Variants in URB2 observed in about 807,000 individuals in gnomAD.
URB2 encodes the protein unhealthy ribosome biogenesis protein 2 homolog.
Under a neutral mutation model 120.9 loss-of-function variants are expected in URB2, and 86 were observed. The ratio of observed to expected loss-of-function variants is 0.71; its 90% CI spans 0.60 to 0.85. The LOEUF is 0.85. Among genes scored for constraint, URB2 ranks in the 40% least tolerant of loss-of-function variants. The probability of loss-of-function intolerance (pLI) is 0.00; values close to 1 mark genes in which losing one functional copy is unlikely to be tolerated. For missense variants in URB2, 1,765 were observed against 1,836.5 expected, an observed-to-expected ratio of 0.96 and a Z score of 0.71; for synonymous variants, 755 against 758.4, an observed-to-expected ratio of 1.00 and a Z score of 0.07.
chr1:229,632,821 T>G (rs911126710), intron 3 of URB2, among the ~76,000 whole-genome samples: 8 of 151,650 alleles, frequency 5.3e-5, no homozygotes, highest in African/African-American at 1.7e-4. Flanking sequence ...GTTTTTTTTT[T>G]TTTTTTTTTT....
At position 229,636,729 on chromosome 1, in the gene URB2, T is replaced by G. The variant is rs201484207; in HGVS notation, c.2116T>G (p.Phe706Val). ...AIQSLRCDAA[F>V]IIGSGRKSLN... ...CCAAAGTTTGAGGTGCGATGCTGCC[T>G]TTATTATTGGTTCCGGCAGAAAAAG... Residue 706 changes from phenylalanine (F) to valine (V), a missense_variant, in exon 4 of 10, where the codon TTT becomes GTT. By Grantham distance (50) the Phe-to-Val change is conservative. Coordinates refer to ENST00000258243, the MANE Select transcript of URB2 (RefSeq NM_014777.4). 4.2e-5 allele frequency: 67 copies of G among 1,612,806 alleles called. No individual in the cohort carries two copies. In the African/African-American group the frequency reaches 7.5e-4, roughly 18 times the overall value.
In URB2 at chr1:229,643,072, T is replaced by G. The variant is rs115185927; in HGVS notation, c.3635-461T>G. Among the ~76,000 whole-genome samples the G allele has an allele frequency of 6.1e-3, 927 of 152,356 alleles. 12 individuals carry two copies. Among genetic ancestry groups the G allele is most frequent in the African/African-American group, 0.022 (894 of 41,578 alleles). Reference sequence around the variant, plus strand: ...AAGGGAAAATGTATTTGCCATTCATTAAGTGAAGTAGGTTATCATCAAGGT... The same window carrying G: ...AAGGGAAAATGTATTTGCCATTCATGAAGTGAAGTAGGTTATCATCAAGGT... On this transcript the variant is annotated intron_variant, in intron 4 of 9. Coordinates refer to ENST00000258243, the MANE Select transcript of URB2 (RefSeq NM_014777.4).
At position 229,636,307 on chromosome 1, in the gene URB2, TCAGA is replaced by T; in HGVS notation, c.1696_1699del (p.Arg566GlyfsTer5). On this transcript the variant is annotated frameshift_variant, in exon 4 of 10. Coordinates refer to ENST00000258243, the MANE Select transcript of URB2 (RefSeq NM_014777.4). LOFTEE classifies it high-confidence loss of function. ...GACAGCAGCACGCCTCTGCCCATTG[TCAGA>T]CGGACACAGTGCATGATGGAGAGGA... 1 of 1,614,236 alleles carries T rather than the reference TCAGA, an allele frequency of 6.2e-7. No individual in the cohort carries two copies. Among genetic ancestry groups the T allele is most frequent in the Non-Finnish European group, 8.5e-7 (1 of 1,180,018 alleles).
rs769541530 is a variant in URB2, at chr1:229,637,961, C to T, written c.3348C>T (p.Leu1116=). The T allele has an allele frequency of 1.2e-5, 20 of 1,613,630 alleles. No individual in the cohort carries two copies. In the South Asian group the frequency reaches 1.8e-4, roughly 14 times the overall value. Reference sequence around the variant, plus strand: ...GGGGCTGGCGCCTTCCCTCGGTCCTCATCTCATCCGTCAGCACGCTCTTGG... The same window carrying T: ...GGGGCTGGCGCCTTCCCTCGGTCCTTATCTCATCCGTCAGCACGCTCTTGG... The part of the protein sequence containing the change: ...GARGWRLPSV[L]ISSVSTLLEA... The change falls in exon 4 of 10, where the codon CTC becomes CTT. Residue 1116 remains leucine (L), a synonymous_variant. Coordinates refer to ENST00000258243, the MANE Select transcript of URB2 (RefSeq NM_014777.4).
Position 229,654,836 on chromosome 1 carries a change from A to G in URB2, c.4377+448A>G, listed in dbSNP as rs544098829. Among the ~76,000 whole-genome samples, 7 of 152,324 alleles carry G rather than the reference A, an allele frequency of 4.6e-5. No homozygotes were observed. In the South Asian group the frequency reaches 1.5e-3, roughly 32 times the overall value. On this transcript the variant is annotated intron_variant, in intron 9 of 9. Coordinates refer to ENST00000258243, the MANE Select transcript of URB2 (RefSeq NM_014777.4). Reference sequence around the variant, plus strand: ...AAGGACCAAATGAAATGACATACAGAGGGCTCAGTGGTGCCTTGTACACAG... The same window carrying G: ...AAGGACCAAATGAAATGACATACAGGGGGCTCAGTGGTGCCTTGTACACAG...
At chr1:229,643,830 C>A in intron 5 of URB2, 137 bp downstream of exon 5, 1 of 1,208,292 alleles carries the variant, frequency 8.3e-7, no homozygotes, top group Non-Finnish European at 1.1e-6. Context: ...AAGGGGGAGG[C>A]TGTGAGAGGG....
Position 229,657,330 on chromosome 1 carries a change from G to T in URB2, c.4378-1770G>T, listed in dbSNP as rs576720686. ...CCTACTGGCCTTCTTACTACCCCCA[G>T]AGCTCTTTGCAAGAGGCTGTCTAGC... is the stretch of plus-strand genomic sequence containing the variant. On this transcript the variant is annotated intron_variant, in intron 9 of 9. Transcript: ENST00000258243. Among the ~76,000 whole-genome samples the T allele has an allele frequency of 3.9e-5, 6 of 152,272 alleles. No homozygotes were observed. In the East Asian group the frequency reaches 1.2e-3, roughly 29 times the overall value.
chr1:229,646,584 GTGTT>G (rs1666150764), intron 6 of URB2, among the ~76,000 whole-genome samples: 1 of 152,216 alleles, frequency 6.6e-6, no homozygotes, highest in South Asian at 2.1e-4. Context: ...ATGTGTGTGT[GTGTT>G]TAAGGCCTAT....
chr1:229,628,609 G>A (rs562445495), intron 2 of URB2, among the ~76,000 whole-genome samples: 52 of 152,304 alleles, frequency 3.4e-4, no homozygotes, highest in African/African-American at 1.3e-3. Flanking sequence ...GGTTGGTGGT[G>A]CTTTGTTAAA....
In URB2 at chr1:229,647,501, G is replaced by T; in HGVS notation, c.3907-9G>T. On this transcript the variant is annotated splice_polypyrimidine_tract_variant and intron_variant, in intron 6 of 9. Transcript: ENST00000258243. Reference sequence around the variant, plus strand: ...TTTCATTTTTCCTTTATTTTATTTTGCCCTTTAGCTCTTAAACCGAGAAGC... The same window carrying T: ...TTTCATTTTTCCTTTATTTTATTTTTCCCTTTAGCTCTTAAACCGAGAAGC... The T allele has an allele frequency of 6.2e-7, 1 of 1,609,334 alleles. No homozygotes were observed. The highest frequency in any genetic ancestry group is 1.1e-5 in the South Asian group (1 of 90,908).
In URB2 at chr1:229,637,485, G is replaced by T; in HGVS notation, c.2872G>T (p.Ala958Ser). The T allele has an allele frequency of 6.2e-7, 1 of 1,614,200 alleles. No individual in the cohort carries two copies. Among genetic ancestry groups the T allele is most frequent in the Admixed American group, 1.7e-5 (1 of 60,032 alleles). The change falls in exon 4 of 10, where the codon GCT (alanine) becomes TCT (serine). Residue 958 changes from alanine to serine, a missense_variant. Coordinates refer to ENST00000258243, the MANE Select transcript of URB2 (RefSeq NM_014777.4). ...LLGYLQKGKS[A>S]RSVFKIMYGS... ...TGGTTACTTGCAAAAGGGGAAAAGT[G>T]CTCGCTCTGTGTTCAAGATCATGTA...
At chr1:229,630,534 A>T (rs757521766) in intron 2 of URB2, among the ~76,000 whole-genome samples, 6 of 152,200 alleles carry the variant, frequency 3.9e-5, no homozygotes, top group Non-Finnish European at 8.8e-5. Context: ...GAGCACAAAC[A>T]GAGTAGATTT....
At position 229,636,076 on chromosome 1, in the gene URB2, C is replaced by T; in HGVS notation, c.1463C>T (p.Pro488Leu). 6.2e-7 allele frequency: 1 copy of T among 1,614,242 alleles called. No individual in the cohort carries two copies. The highest frequency in any genetic ancestry group is 8.5e-7 in the Non-Finnish European group (1 of 1,180,046). Reference protein sequence around the residue: ...CRPAAEALRQPVLASGPSTVL... With the variant: ...CRPAAEALRQLVLASGPSTVL... ...CCAGCTGCTGAGGCACTGAGGCAGC[C>T]TGTGCTGGCCTCGGGCCCCTCCACG... Residue 488 changes from proline (P) to leucine (L), a missense_variant, in exon 4 of 10, where the codon CCT becomes CTT. By Grantham distance (98) the Pro-to-Leu change is moderately conservative. Coordinates refer to ENST00000258243, the MANE Select transcript of URB2 (RefSeq NM_014777.4).
At chr1:229,642,030 A>G (rs1164030776) in intron 4 of URB2, among the ~76,000 whole-genome samples, 1 of 152,136 alleles carries the variant, frequency 6.6e-6, no homozygotes, top group Non-Finnish European at 1.5e-5. Flanking sequence ...AAAAAAACCA[A>G]TTAAAATGCT....
intron 7 of URB2, among the ~76,000 whole-genome samples, chr1:229,650,378 T>G (rs1571881415): frequency 6.6e-6 from 1 of 152,202 alleles, no homozygotes; most frequent in African/African-American, 2.4e-5. Context: ...GTGGTTGTGA[T>G]TCAGACCTAA....
At position 229,643,801 on chromosome 1, in the gene URB2, C is replaced by G. The variant is rs1297352059; in HGVS notation, c.3795+108C>G. ...ACCCTTAAAACTAAACAAGTTCTAA[C>G]TGGTAGAGACTCTAGGCAAAGGGGG... On this transcript the variant is annotated intron_variant, in intron 5 of 9. Coordinates refer to ENST00000258243, the MANE Select transcript of URB2 (RefSeq NM_014777.4). The G allele has an allele frequency of 2.9e-6, 4 of 1,403,272 alleles. No homozygotes were observed. The Admixed American group carries it at 7.3e-5, about 26-fold the overall frequency. The allele number at this position is 1,403,272 out of a possible 1,614,324, so 86.9% of individuals were successfully genotyped here. A position where few individuals can be genotyped will look rare whatever the true frequency, so the allele number is the denominator to read the frequency against.
intron 1 of URB2, among the ~76,000 whole-genome samples, 156 bp from the exon 2 acceptor site, chr1:229,627,465 A>G (rs1158806534): frequency 2.0e-5 from 3 of 152,230 alleles, no homozygotes; most frequent in Non-Finnish European, 4.4e-5. Flanking sequence ...TCTTGTATGT[A>G]GATTTACCCC....
chr1:229,654,571 C>T (rs898864411), intron 9 of URB2, among the ~76,000 whole-genome samples, 183 bp downstream of exon 9: 2 of 152,200 alleles, frequency 1.3e-5, no homozygotes, highest in Non-Finnish European at 2.9e-5. Flanking sequence ...TAGCACACTA[C>T]AGCCTCGAAC....
chr1:229,655,542 G>A (rs1484984709), intron 9 of URB2, among the ~76,000 whole-genome samples: 1 of 152,180 alleles, frequency 6.6e-6, no homozygotes, highest in East Asian at 1.9e-4. Context: ...CCATTCAACA[G>A]TTATCTTACT....
Sources: gnomAD v4.1 joint callset for allele counts (sites outside exome capture counted in the v4.1 genomes callset) on GRCh38, gnomAD v4.1.1 for gene constraint, MANE v1.5 for transcripts, NCBI Gene and HGNC (gene_info 2026-07-23, HGNC 2026-07-21) for gene names.